The following MTSS1 variants were observed in gnomAD, a reference collection of about 807,000 sequenced individuals.
The protein encoded by MTSS1 is protein MTSS 1.
Under a neutral mutation model 79.0 loss-of-function variants are expected in MTSS1, and 18 were observed. The observed-to-expected ratio is 0.23, with a 90% CI of 0.16 to 0.34. The LOEUF is 0.34. Among genes scored for constraint, MTSS1 ranks in the 10% least tolerant of loss-of-function variants. The probability of loss-of-function intolerance (pLI) is 1.00; values close to 1 mark genes in which losing one functional copy is unlikely to be tolerated. For missense variants in MTSS1, 815 were observed against 986.2 expected, an observed-to-expected ratio of 0.83 and a Z score of 2.33; for synonymous variants, 341 against 368.6, an observed-to-expected ratio of 0.93 and a Z score of 0.86.
chr8:124,599,882 G>A (rs890434006), intron 3 of MTSS1, among the ~76,000 whole-genome samples: 1 of 152,022 alleles, frequency 6.6e-6, no homozygotes, highest in Non-Finnish European at 1.5e-5. Context: ...CCTTACTATC[G>A]TCTAAATGAG....
intron 10 of MTSS1, among the ~76,000 whole-genome samples, chr8:124,560,336 G>C (rs3763539): frequency 0.68 from 103,108 of 152,064 alleles, 35,095 homozygotes; most frequent in Non-Finnish European, 0.7. Context: ...GCCTGGGCAA[G>C]ATAGCAAGAC....
chr8:124,621,469 G>A (rs778334229), intron 3 of MTSS1, among the ~76,000 whole-genome samples: 31 of 152,294 alleles, frequency 2.0e-4, no homozygotes, highest in Admixed American at 3.9e-4. Context: ...TGTCTGCCAG[G>A]GGGGCATCAG....
chr8:124,667,499 C>A (rs1587696350), intron 3 of MTSS1, among the ~76,000 whole-genome samples: 1 of 152,124 alleles, frequency 6.6e-6, no homozygotes, highest in East Asian at 1.9e-4. Flanking sequence ...ACAAAATTAG[C>A]CGGGCATGGT....
At chr8:124,670,875 A>C (rs937406583) in intron 3 of MTSS1, among the ~76,000 whole-genome samples, 2 of 152,084 alleles carry the variant, frequency 1.3e-5, no homozygotes, top group African/African-American at 4.8e-5. Flanking sequence ...ATTTCTCTAA[A>C]ATGGCTTAAG....
intron 8 of MTSS1, among the ~76,000 whole-genome samples, chr8:124,566,459 G>T (rs1297168288): frequency 2.0e-5 from 3 of 152,182 alleles, no homozygotes; most frequent in Non-Finnish European, 4.4e-5. Flanking sequence ...CGAAAAGATT[G>T]TTACCAAGCA....
chr8:124,678,631 C>A (rs932432144), intron 3 of MTSS1, among the ~76,000 whole-genome samples: 2 of 152,188 alleles, frequency 1.3e-5, no homozygotes, highest in Non-Finnish European at 2.9e-5. Context: ...AAAACCCACC[C>A]TTGTGATTCA....
chr8:124,685,915 C>T (rs1407766657), intron 3 of MTSS1, among the ~76,000 whole-genome samples: 3 of 152,244 alleles, frequency 2.0e-5, no homozygotes, highest in East Asian at 1.9e-4. Context: ...GAAGGCGGAA[C>T]GCAAGTGAGC....
intron 3 of MTSS1, among the ~76,000 whole-genome samples, chr8:124,682,743 G>T (rs2135016161): frequency 6.6e-6 from 1 of 152,304 alleles, no homozygotes; most frequent in South Asian, 2.1e-4. Context: ...AGGGGAACTG[G>T]GTGGGGAGGG....
rs1216157546 is a variant in MTSS1 at position 124,662,579 on chromosome 8, T to A, written c.208+36947A>T. Among the ~76,000 whole-genome samples the A allele has an allele frequency of 2.0e-5, 3 of 152,080 alleles. No individual in the cohort carries two copies. In the East Asian group the frequency reaches 5.8e-4, roughly 29 times the overall value. On this transcript the variant is annotated intron_variant, in intron 3 of 13. Transcript: ENST00000518547. The stretch of plus-strand genomic sequence containing the variant: ...CTGCCCCAGGCCTCCTGACGCACCC[T>A]CTGAAGACAGGGTCTAGACATACGT...
At chr8:124,690,825 T>A (rs981101961) in intron 3 of MTSS1, among the ~76,000 whole-genome samples, 3 of 152,164 alleles carry the variant, frequency 2.0e-5, no homozygotes, top group Non-Finnish European at 4.4e-5. Flanking sequence ...CATAACTCCA[T>A]CAACTGAAAA....
chr8:124,710,658 G>A (rs1392084023), intron 1 of MTSS1, among the ~76,000 whole-genome samples: 3 of 151,470 alleles, frequency 2.0e-5, no homozygotes, highest in South Asian at 2.1e-4. Flanking sequence ...GGCCCAGGAC[G>A]GCATCCCACA....
At chr8:124,705,905 G>T (rs1338907810) in intron 1 of MTSS1, among the ~76,000 whole-genome samples, 1 of 152,056 alleles carries the variant, frequency 6.6e-6, no homozygotes, top group Non-Finnish European at 1.5e-5. Context: ...CCCCCTATTT[G>T]GGACAACCAA....
Position 124,655,459 on chromosome 8 carries a change from AG to A in MTSS1, c.208+44066del, listed in dbSNP as rs369347890. On this transcript the variant is annotated intron_variant, in intron 3 of 13. Coordinates refer to ENST00000518547, the MANE Select transcript of MTSS1 (RefSeq NM_014751.6). ...CCTTCCTCATCCCAGCAGAACAGGGAGGGGTTGCCACAGTGGCCTCCACACA... is the reference window on the plus strand; with the variant it reads ...CCTTCCTCATCCCAGCAGAACAGGGAGGGTTGCCACAGTGGCCTCCACACA... Among the ~76,000 whole-genome samples, 151 of 152,288 alleles carry A rather than the reference AG, an allele frequency of 9.9e-4. 1 individual carries two copies. The South Asian group carries it at 0.019, about 19-fold the overall frequency.
chr8:124,564,553 C>G (rs1825959021), intron 9 of MTSS1, among the ~76,000 whole-genome samples: 1 of 152,120 alleles, frequency 6.6e-6, no homozygotes, highest in Admixed American at 6.6e-5. Context: ...ACCCCGGCAG[C>G]CTCAGAGTTG....
intron 1 of MTSS1, among the ~76,000 whole-genome samples, chr8:124,722,084 TA>T (rs1833029991): frequency 1.3e-5 from 2 of 151,608 alleles, no homozygotes; most frequent in Admixed American, 6.6e-5. Flanking sequence ...AGCAAGCAAA[TA>T]AAAAGACACA....
rs1427869355 is a variant in MTSS1 at position 124,727,584 on chromosome 8, C to T, written c.72+300G>A. ...ACTTCAGGGACAGACAATGGGAAAA[C>T]TTGCAGCCAGTGCCTTGAGCCCCCG... On this transcript the variant is annotated intron_variant, in intron 1 of 13. Transcript: ENST00000518547. This position sits in a 1 kb window ranked among gnomAD's most constrained non-coding sequence, Gnocchi z 4.7. 1.8e-6 allele frequency: 1 copy of T among 561,278 alleles called. No homozygotes were observed. Among genetic ancestry groups the T allele is most frequent in the Non-Finnish European group, 3.4e-6 (1 of 295,030 alleles). 34.8% of individuals were successfully genotyped at this position (561,278 alleles called of 1,614,324 possible).
intron 3 of MTSS1, among the ~76,000 whole-genome samples, chr8:124,644,865 T>C (rs1242986635): frequency 6.6e-6 from 1 of 152,204 alleles, no homozygotes; most frequent in East Asian, 1.9e-4. Context: ...GGAATTTGTG[T>C]CCACCCCTTA....
intron 3 of MTSS1, among the ~76,000 whole-genome samples, chr8:124,656,200 T>G (rs1051338520): frequency 6.6e-6 from 1 of 152,236 alleles, no homozygotes; most frequent in Non-Finnish European, 1.5e-5. Context: ...TTACACAGCT[T>G]AAGTAGTGGG....
At chr8:124,577,715 A>G (rs7002655) in intron 6 of MTSS1, 244,665 of 479,824 alleles carry the variant, frequency 0.51, 63,832 homozygotes, top group Non-Finnish European at 0.56. Context: ...CCCTGGGCTT[A>G]GCCTCGAAGA....
Sources: allele counts gnomAD v4.1 joint callset (sites outside exome capture counted in the v4.1 genomes callset), GRCh38; gene constraint gnomAD v4.1.1; non-coding constraint Gnocchi (gnomAD v3.1); transcripts MANE v1.5; gene names NCBI Gene and HGNC (gene_info 2026-07-23, HGNC 2026-07-21).